RBFOX1: variants seen among roughly 807,000 people sequenced by gnomAD.
The protein encoded by RBFOX1 is RNA binding fox-1 homolog 1.
Under a neutral mutation model 57.7 loss-of-function variants are expected in RBFOX1, and 8 were observed. The ratio of observed to expected loss-of-function variants is 0.14; its 90% CI spans 0.08 to 0.25. The LOEUF is 0.25. RBFOX1 is among the 10% of genes least tolerant of loss of function. The probability of loss-of-function intolerance (pLI) is 1.00; values close to 1 mark genes in which losing one functional copy is unlikely to be tolerated. For synonymous variants in RBFOX1, 326 were observed against 222.4 expected (o/e 1.47, Z -4.15); for missense variants, 611 against 548.5 (o/e 1.11, Z -1.14).
chr16:5,644,854 T>C (rs1001598432), intron 3 of RBFOX1, among the ~76,000 whole-genome samples: 6 of 152,206 alleles, frequency 3.9e-5, no homozygotes, highest in African/African-American at 7.2e-5. Context: ...TGAACGTTCA[T>C]GTGCGAGTTT....
chr16:6,213,324 C>T (rs1382485088), intron 1 of RBFOX1, among the ~76,000 whole-genome samples: 1 of 152,116 alleles, frequency 6.6e-6, no homozygotes, highest in Non-Finnish European at 1.5e-5. Context: ...TGATCTGTTC[C>T]ACTTTCTCTT....
At chr16:7,470,596 ATGGATGGATGGATGGT>A (rs1332778802) in intron 4 of RBFOX1, among the ~76,000 whole-genome samples, 1 of 151,846 alleles carries the variant, frequency 6.6e-6, no homozygotes, top group Non-Finnish European at 1.5e-5. Context: ...GGATGGGCGG[ATGGATGGATGGATGGT>A]TGGATGGTTA....
intron 3 of RBFOX1, among the ~76,000 whole-genome samples, chr16:6,820,041 G>C (rs1209238569): frequency 6.6e-6 from 1 of 152,232 alleles, no homozygotes; most frequent in South Asian, 2.1e-4. Context: ...GCACCCAATA[G>C]GAAGTAAAAT....
At chr16:7,587,351 G>A (rs771994011) in intron 7 of RBFOX1, 51 bp downstream of exon 7, 1 of 1,453,632 alleles carries the variant, frequency 6.9e-7, no homozygotes, top group Non-Finnish European at 9.1e-7. Context: ...TTAAATGTTT[G>A]TTATGAATAA....
At chr16:7,001,936 T>G (rs1424391023) in intron 3 of RBFOX1, among the ~76,000 whole-genome samples, 1 of 152,116 alleles carries the variant, frequency 6.6e-6, no homozygotes, top group Non-Finnish European at 1.5e-5. Context: ...TTCTACTTTT[T>G]TTCTCCTGGA....
intron 1 of RBFOX1, among the ~76,000 whole-genome samples, chr16:5,379,870 AT>A (rs1306158066): frequency 1.3e-5 from 2 of 152,086 alleles, no homozygotes; most frequent in African/African-American, 4.8e-5. Context: ...CTTCTGGGTC[AT>A]TTTTTAGGTC....
At chr16:7,685,399 C>T (rs1378222894) in intron 14 of RBFOX1, among the ~76,000 whole-genome samples, 4 of 152,140 alleles carry the variant, frequency 2.6e-5, no homozygotes, top group Admixed American at 2.0e-4. Context: ...CCCAAAAGAT[C>T]CGTGGACGGA....
intron 3 of RBFOX1, among the ~76,000 whole-genome samples, chr16:6,707,909 G>T (rs543114673): frequency 5.3e-4 from 81 of 152,304 alleles, no homozygotes; most frequent in South Asian, 1.0e-3. Flanking sequence ...GAGGGACTTA[G>T]GGGAAGATTC....
intron 4 of RBFOX1, among the ~76,000 whole-genome samples, chr16:5,903,717 A>G (rs904901673): frequency 2.0e-5 from 3 of 152,140 alleles, no homozygotes; most frequent in Non-Finnish European, 4.4e-5. Context: ...CCATTTCACC[A>G]CTTTGTCTCT....
chr16:6,887,559 AC>A (rs1335022663), intron 3 of RBFOX1, among the ~76,000 whole-genome samples: 4 of 140,454 alleles, frequency 2.8e-5, no homozygotes, highest in Non-Finnish European at 6.4e-5. Context: ...AAACACATAT[AC>A]TTTTTTTTTT....
At chr16:7,208,127 T>C (rs934315767) in intron 4 of RBFOX1, among the ~76,000 whole-genome samples, 3 of 152,202 alleles carry the variant, frequency 2.0e-5, no homozygotes, top group African/African-American at 7.2e-5. Context: ...GATGGCTGTT[T>C]ATGTATCCCT....
intron 10 of RBFOX1, among the ~76,000 whole-genome samples, chr16:7,615,963 T>A (rs1391164166): frequency 1.3e-5 from 2 of 152,234 alleles, no homozygotes; most frequent in African/African-American, 2.4e-5. Context: ...ACTAATAATG[T>A]ATGAACAGCT....
chr16:7,533,739 T>C (rs1011009520), intron 5 of RBFOX1, among the ~76,000 whole-genome samples: 1 of 152,234 alleles, frequency 6.6e-6, no homozygotes, highest in African/African-American at 2.4e-5. Context: ...GAATGTGTAT[T>C]GTTTCCACAT....
intron 2 of RBFOX1, among the ~76,000 whole-genome samples, chr16:5,594,969 T>TAA (rs34885484): frequency 1.0e-3 from 90 of 90,448 alleles, no homozygotes; most frequent in African/African-American, 3.8e-3. Flanking sequence ...CTGTCTCTAC[T>TAA]AAAAAAAAAA....
In RBFOX1 at chr16:7,076,820, G is replaced by A. The variant is rs1302071268; in HGVS notation, c.27+24722G>A. ...ATATGCCCACTCATATACCTCCTGTGAGCCCTGGGGATAATGACACAGTTT... is the reference window on the plus strand; with the variant it reads ...ATATGCCCACTCATATACCTCCTGTAAGCCCTGGGGATAATGACACAGTTT... On this transcript the variant is annotated intron_variant, in intron 4 of 15. Coordinates refer to ENST00000550418, the MANE Select transcript of RBFOX1 (RefSeq NM_018723.4). 2.0e-5 allele frequency among the ~76,000 whole-genome samples: 3 copies of A among 152,142 alleles called. No homozygotes were observed. In the East Asian group the frequency reaches 5.8e-4, roughly 29 times the overall value.
At chr16:7,404,729 A>C (rs1408329636) in intron 4 of RBFOX1, among the ~76,000 whole-genome samples, 3 of 152,068 alleles carry the variant, frequency 2.0e-5, no homozygotes, top group Non-Finnish European at 2.9e-5. Flanking sequence ...AACAAACAAA[A>C]CCGAATGCAC....
At chr16:6,530,856 A>T (rs923649875) in intron 2 of RBFOX1, among the ~76,000 whole-genome samples, 2 of 151,862 alleles carry the variant, frequency 1.3e-5, no homozygotes, top group South Asian at 4.2e-4. Context: ...CTCCTACAAC[A>T]TGTGGGAATT....
intron 4 of RBFOX1, among the ~76,000 whole-genome samples, chr16:5,976,507 G>A (rs2060065933): frequency 6.6e-6 from 1 of 152,130 alleles, no homozygotes; most frequent in African/African-American, 2.4e-5. Context: ...TTCCAGGGTG[G>A]TCCACTTCCC....
chr16:6,922,590 AATGAAC>A (rs1192918174), intron 3 of RBFOX1, among the ~76,000 whole-genome samples: 2 of 152,160 alleles, frequency 1.3e-5, no homozygotes, highest in Admixed American at 1.3e-4. Context: ...GTGTGGAATA[AATGAAC>A]ATGTGATTCT....
Sources: gnomAD v4.1 joint callset for allele counts (sites outside exome capture counted in the v4.1 genomes callset) on GRCh38, gnomAD v4.1.1 for gene constraint, MANE v1.5 for transcripts, NCBI Gene and HGNC (gene_info 2026-07-23, HGNC 2026-07-21) for gene names.